The following NBPF12 variants were observed in gnomAD, a reference collection of about 807,000 sequenced individuals.
NBPF12 encodes NBPF family member NBPF12.
NBPF12 carries 115 observed loss-of-function variants against 146.4 expected under a neutral mutation model. The observed-to-expected ratio is 0.79, with a 90% confidence interval of 0.68 to 0.92. The LOEUF (loss-of-function observed/expected upper bound fraction) is 0.92. Ranked by LOEUF, NBPF12 falls within the 40% of genes least tolerant of loss-of-function variation. The pLI is 0.00. For missense variants in NBPF12, 1,205 were observed against 1,326.8 expected, an observed-to-expected ratio of 0.91 and a Z score of 1.43; for synonymous variants, 385 against 508.9, an observed-to-expected ratio of 0.76 and a Z score of 3.28.
rs1320538243 is a variant in NBPF12 at position 146,966,473 on chromosome 1, C to T, written c.788C>T (p.Pro263Leu). The change falls in exon 9 of 34, where the codon CCC (proline) becomes CTC (leucine). Residue 263 changes from proline (P) to leucine (L), a missense_variant. Physicochemically the swap from Pro to Leu is moderately conservative, Grantham distance 98. This residue lies in a region of NBPF12 where 325 missense variants were observed against 236.6 expected (regional missense o/e 1.37). Coordinates refer to ENST00000617844, the Ensembl canonical transcript of NBPF12. ...CCTTTCTTCTCCCCAGTCCCTGGCC[C>T]CACCTCTTCTGCCACAAACGTCAGC... is the stretch of plus-strand genomic sequence containing the variant. 8 of 1,389,702 alleles carry T rather than the reference C, an allele frequency of 5.8e-6. No homozygotes were observed. In the East Asian group the frequency reaches 1.1e-4, roughly 20 times the overall value. 86.1% of individuals were successfully genotyped at this position (1,389,702 alleles called of 1,614,324 possible). A position where few individuals can be genotyped will look rare whatever the true frequency, so the allele number is the denominator to read the frequency against.
chr1:146,939,810 C>T (rs1307531513), intron 1 of NBPF12, among the ~76,000 whole-genome samples: 3 of 151,852 alleles, frequency 2.0e-5, no homozygotes, highest in South Asian at 2.1e-4. Context: ...TGTGAAACCC[C>T]ATCTCTACTG....
intron 4 of NBPF12, among the ~76,000 whole-genome samples, chr1:146,961,493 G>A (rs1309709991): frequency 6.6e-6 from 1 of 150,748 alleles, no homozygotes; most frequent in Non-Finnish European, 1.5e-5. Context: ...AACACTATTA[G>A]TTCTTCATTC....
intron 1 of NBPF12, among the ~76,000 whole-genome samples, chr1:146,939,511 G>A (rs71219963): frequency 6.6e-6 from 1 of 151,858 alleles, no homozygotes; most frequent in Non-Finnish European, 1.5e-5. Flanking sequence ...CTCATGACTA[G>A]CGGGGCAAGC....
intron 13 of NBPF12, among the ~76,000 whole-genome samples, chr1:146,971,834 C>T (rs1423964972): frequency 1.3e-5 from 2 of 150,208 alleles, no homozygotes; most frequent in Admixed American, 6.6e-5. Flanking sequence ...AATCCCAGCA[C>T]TTTGGGAGGC....
chr1:146,938,687 G>T (rs1310166924), upstream of NBPF12: 3 of 152,258 alleles, frequency 2.0e-5, no homozygotes, highest in East Asian at 5.8e-4. Context: ...GAGGCAGCCG[G>T]GTCCCTTTAA....
At chr1:146,954,389 CAAA>C (rs1170420550) in intron 2 of NBPF12, among the ~76,000 whole-genome samples, 334 of 23,946 alleles carry the variant, frequency 0.014, no homozygotes, top group African/African-American at 0.028. Flanking sequence ...GACTCTGTCT[CAAA>C]AAAAAAAAAA....
chr1:146,992,415 G>T (rs1362020901), intron 31 of NBPF12, among the ~76,000 whole-genome samples: 1,470 of 119,424 alleles, frequency 0.012, 3 homozygotes, highest in African/African-American at 0.045. Context: ...TGTGTCACCT[G>T]GACAATTCAC....
chr1:146,972,122 G>A (rs1310106151), intron 13 of NBPF12, among the ~76,000 whole-genome samples: 2 of 148,206 alleles, frequency 1.3e-5, no homozygotes, highest in African/African-American at 2.5e-5. Context: ...CTGACCAGGG[G>A]CGCTGGCTCA....
chr1:146,956,203 C>G (rs1240280851), intron 2 of NBPF12, among the ~76,000 whole-genome samples: 1 of 151,550 alleles, frequency 6.6e-6, no homozygotes, highest in Non-Finnish European at 1.5e-5. Flanking sequence ...TCAGTCTTTA[C>G]AAGACATTAC....
At chr1:146,985,474 G>T (rs1657695339) in intron 22 of NBPF12, among the ~76,000 whole-genome samples, 1 of 151,972 alleles carries the variant, frequency 6.6e-6, no homozygotes, top group South Asian at 2.1e-4. Flanking sequence ...TGGGAGAAAT[G>T]ATATTGGGAT....
At chr1:146,954,916 TG>T in intron 2 of NBPF12, among the ~76,000 whole-genome samples, 1 of 133,230 alleles carries the variant, frequency 7.5e-6, no homozygotes, top group African/African-American at 2.7e-5. Flanking sequence ...TGTGTGTGTG[TG>T]TGTGTATATA....
At position 146,964,436 on chromosome 1, in the gene NBPF12, C is replaced by G; in HGVS notation, c.566+7C>G. The G allele has an allele frequency of 1.9e-6, 3 of 1,599,834 alleles. No homozygotes were observed. Among genetic ancestry groups the G allele is most frequent in the Admixed American group, 3.3e-5 (2 of 59,980 alleles). On this transcript the variant is annotated splice_region_variant and intron_variant, in intron 7 of 33. Transcript: ENST00000617844. The stretch of plus-strand genomic sequence containing the variant: ...TGGAATCATCTGCCCCCAGGTAACA[C>G]TGAATACTCAGGAGCAAGTAATGGG...
At chr1:146,963,473 C>A (rs1485951842) in intron 6 of NBPF12, among the ~76,000 whole-genome samples, 164 bp downstream of exon 9, 9 of 152,048 alleles carry the variant, frequency 5.9e-5, no homozygotes, top group Non-Finnish European at 8.8e-5. Flanking sequence ...AAATGGGAAA[C>A]CCATGGGTTT....
chr1:146,970,302 A>T (rs1207634635), intron 11 of NBPF12, among the ~76,000 whole-genome samples: 1 of 150,806 alleles, frequency 6.6e-6, no homozygotes, highest in Admixed American at 6.6e-5. Context: ...TTGAAATGCG[A>T]ACTGTGACAG....
chr1:146,950,049 A>G (rs1655261393), intron 1 of NBPF12, among the ~76,000 whole-genome samples: 1 of 152,092 alleles, frequency 6.6e-6, no homozygotes, highest in African/African-American at 2.4e-5. Flanking sequence ...TCATCACGTT[A>G]AGAGGCTTTA....
At chr1:146,952,195 G>A (rs1435432848) in intron 2 of NBPF12, among the ~76,000 whole-genome samples, 1 of 151,942 alleles carries the variant, frequency 6.6e-6, no homozygotes, top group Non-Finnish European at 1.5e-5. Flanking sequence ...CTTTAATTCA[G>A]GCAGGTTTAT....
In NBPF12 at chr1:146,995,892, T is replaced by C. The variant is rs1553890488; in HGVS notation, c.*1317T>C. ...ATTCTAATGATCATCCTCTAAACAT[T>C]TTATCATTTATTAATCCTCCCTGCC... On this transcript the variant is annotated 3_prime_UTR_variant, in exon 34 of 34. Transcript: ENST00000617844. 5 of 150,454 alleles carry C rather than the reference T, an allele frequency of 3.3e-5. 1 individual carries two copies. The highest frequency in any genetic ancestry group is 1.2e-4 in the African/African-American group (5 of 40,262). 9.3% of individuals were successfully genotyped at this position (150,454 alleles called of 1,614,324 possible).
chr1:146,961,239 G>A (rs1480934777), intron 4 of NBPF12, among the ~76,000 whole-genome samples: 10 of 151,928 alleles, frequency 6.6e-5, no homozygotes, highest in African/African-American at 2.4e-4. Context: ...TGGTGCACAG[G>A]CTCTTGTTCC....
At chr1:146,975,530 C>T in intron 15 of NBPF12, 147 bp from the exon 19 acceptor site, 1 of 597,454 alleles carries the variant, frequency 1.7e-6, no homozygotes, top group South Asian at 2.0e-5. Context: ...TATTCTTTCT[C>T]TTGGCCACAG....
Sources: allele counts gnomAD v4.1 joint callset (sites outside exome capture counted in the v4.1 genomes callset), GRCh38; gene constraint gnomAD v4.1.1; regional missense constraint gnomAD v4.1.1; transcripts MANE v1.5; gene names NCBI Gene and HGNC (gene_info 2026-07-23, HGNC 2026-07-21).